The following TMCO5A variants were observed in gnomAD, a reference collection of about 807,000 sequenced individuals.
TMCO5A encodes the protein transmembrane and coiled-coil domain-containing protein 5A.
Under a neutral mutation model 42.3 loss-of-function variants are expected in TMCO5A, and 34 were observed. The observed-to-expected ratio is 0.80, with a 90% CI of 0.61 to 1.07. The LOEUF (loss-of-function observed/expected upper bound fraction) is 1.07. Among genes scored for constraint, TMCO5A ranks in the 50% least tolerant of loss-of-function variants. The probability of loss-of-function intolerance (pLI) is 0.00; values close to 1 mark genes in which losing one functional copy is unlikely to be tolerated. For synonymous variants in TMCO5A, 131 were observed against 115.6 expected, an observed-to-expected ratio of 1.13 and a Z score of -0.86; for missense variants, 357 against 327.9, an observed-to-expected ratio of 1.09 and a Z score of -0.69.
At chr15:37,965,657 G>A (rs1259562410) in intron 11 of TMCO5A, among the ~76,000 whole-genome samples, 1 of 152,030 alleles carries the variant, frequency 6.6e-6, no homozygotes, top group Non-Finnish European at 1.5e-5. Context: ...CATGTGAAAG[G>A]TACTTGACAT....
At chr15:37,999,988 T>C in the TMCO5A span, among the ~76,000 whole-genome samples, 6 of 152,324 alleles carry the variant, frequency 3.9e-5, no homozygotes, top group Middle Eastern at 3.4e-3. Flanking sequence ...TAGCTTTCTT[T>C]TTTTGATGTG....
intron 11 of TMCO5A, 116 bp from the exon 12 acceptor site, chr15:37,950,920 G>A: frequency 2.4e-6 from 2 of 836,498 alleles, no homozygotes; most frequent in Non-Finnish European, 3.8e-6. Context: ...CAGGAAAGGG[G>A]GTGATAATCC....
intron 10 of TMCO5A, 103 bp downstream of exon 10, chr15:37,943,501 C>G: frequency 1.7e-6 from 2 of 1,144,880 alleles, no homozygotes; most frequent in South Asian, 2.8e-5. Flanking sequence ...TCTTGCCATG[C>G]GCATTTTCCA....
chr15:37,954,615 C>A (rs995042611), downstream of TMCO5A, among the ~76,000 whole-genome samples: 1 of 151,982 alleles, frequency 6.6e-6, no homozygotes, highest in East Asian at 1.9e-4. Flanking sequence ...TCTGAAGGTA[C>A]AAAACTACTG....
the TMCO5A span, among the ~76,000 whole-genome samples, chr15:38,036,510 ACACAC>A: frequency 1.4e-4 from 22 of 151,786 alleles, no homozygotes; most frequent in African/African-American, 5.1e-4. Flanking sequence ...ACACACACAC[ACACAC>A]ACACACACAC....
At chr15:37,968,409 A>C (rs1437715452), downstream of TMCO5A, among the ~76,000 whole-genome samples, 1 of 152,088 alleles carries the variant, frequency 6.6e-6, no homozygotes, top group Non-Finnish European at 1.5e-5. Flanking sequence ...CAAGGTGCAC[A>C]CCTTTCCTTC....
Position 37,942,413 on chromosome 15 carries a change from T to C in TMCO5A, c.569+158T>C, listed in dbSNP as rs1177537230. ...TAGTGATCTGGTTGACCCCAGTAGA[T>C]CACACCAACTTAAAACTTCCAGTCA... On this transcript the variant is annotated intron_variant, in intron 9 of 11. Transcript: ENST00000319669. 3 of 619,986 alleles carry C rather than the reference T, an allele frequency of 4.8e-6. No homozygotes were observed. In the East Asian group the frequency reaches 7.7e-5, roughly 16 times the overall value. 38.4% of individuals were successfully genotyped at this position (619,986 alleles called of 1,614,324 possible).
At chr15:37,997,985 A>G in the TMCO5A span, among the ~76,000 whole-genome samples, 1 of 152,062 alleles carries the variant, frequency 6.6e-6, no homozygotes, top group Non-Finnish European at 1.5e-5. Context: ...CCTGCTTGCC[A>G]TTTGTATGTC....
At chr15:37,968,798 G>A (rs939844415), downstream of TMCO5A, among the ~76,000 whole-genome samples, 7 of 151,806 alleles carry the variant, frequency 4.6e-5, no homozygotes, top group African/African-American at 1.7e-4. Flanking sequence ...GGCCAGGCTG[G>A]TCTCCAACTC....
At chr15:37,990,558 T>A in the TMCO5A span, among the ~76,000 whole-genome samples, 1 of 152,178 alleles carries the variant, frequency 6.6e-6, no homozygotes, top group African/African-American at 2.4e-5. Context: ...GTGTGTGGGA[T>A]TTTTTAAAAT....
chr15:38,037,395 A>G, the TMCO5A span, among the ~76,000 whole-genome samples: 1 of 152,234 alleles, frequency 6.6e-6, no homozygotes, highest in South Asian at 2.1e-4. Context: ...TTGGGTCCAA[A>G]TTAACAAGCA....
At chr15:38,034,126 T>TG in the TMCO5A span, among the ~76,000 whole-genome samples, 437 of 152,246 alleles carry the variant, frequency 2.9e-3, 3 homozygotes, top group Non-Finnish European at 4.6e-3. Context: ...ACAAACACTG[T>TG]GTGGCAGAAA....
the TMCO5A span, among the ~76,000 whole-genome samples, chr15:38,004,065 C>CT: frequency 1.3e-5 from 2 of 152,126 alleles, no homozygotes; most frequent in Non-Finnish European, 2.9e-5. Flanking sequence ...AAGGTGAATA[C>CT]TGCTTGGTTG....
downstream of TMCO5A, among the ~76,000 whole-genome samples, chr15:37,955,829 G>A (rs1890274367): frequency 6.6e-6 from 1 of 152,024 alleles, no homozygotes; most frequent in Non-Finnish European, 1.5e-5. Context: ...TTCCAAAATT[G>A]ACCACATAAT....
the TMCO5A span, among the ~76,000 whole-genome samples, chr15:38,038,697 C>A: frequency 6.6e-6 from 1 of 152,160 alleles, no homozygotes; most frequent in African/African-American, 2.4e-5. Context: ...TAAGCCACAA[C>A]ACCCGGCCTC....
At chr15:38,023,552 C>A in the TMCO5A span, among the ~76,000 whole-genome samples, 1 of 152,160 alleles carries the variant, frequency 6.6e-6, no homozygotes, top group Non-Finnish European at 1.5e-5. Flanking sequence ...TATGACCTAG[C>A]CTCAGTCATT....
chr15:37,963,368 T>A (rs1242247535), intron 11 of TMCO5A, among the ~76,000 whole-genome samples: 2 of 152,106 alleles, frequency 1.3e-5, no homozygotes, highest in African/African-American at 4.8e-5. Flanking sequence ...TTTTGAAGGT[T>A]CCTTTTGGTG....
chr15:37,950,903 AG>A lies in TMCO5A; in HGVS notation c.669-131del, dbSNP rs1890133087. 4.2e-6 allele frequency: 3 copies of A among 710,528 alleles called. No individual in the cohort carries two copies. The South Asian group carries it at 5.7e-5, about 13-fold the overall frequency. 44.0% of individuals were successfully genotyped at this position (710,528 alleles called of 1,614,324 possible). A position where few individuals can be genotyped will look rare whatever the true frequency, so the allele number is the denominator to read the frequency against. On this transcript the variant is annotated intron_variant, in intron 11 of 11. Coordinates refer to ENST00000319669, the MANE Select transcript of TMCO5A (RefSeq NM_152453.4). ...TGGGAGGGGGAGCTGCCATTATAAA[AG>A]GTTGTCAGGAAAGGGGGTGATAATC...
the TMCO5A span, among the ~76,000 whole-genome samples, chr15:38,017,844 T>C: frequency 3.3e-5 from 5 of 152,118 alleles, no homozygotes; most frequent in Non-Finnish European, 5.9e-5. Context: ...CGAGAGGTGA[T>C]TGAATCATGA....
Sources: allele counts gnomAD v4.1 joint callset (sites outside exome capture counted in the v4.1 genomes callset), GRCh38; gene constraint gnomAD v4.1.1; transcripts MANE v1.5; gene names NCBI Gene and HGNC (gene_info 2026-07-23, HGNC 2026-07-21).